The following APOOL variants were observed in gnomAD, a reference collection of about 807,000 sequenced individuals.
APOOL encodes apolipoprotein O like, also known as MICOS complex subunit MIC27.
APOOL carries 12 observed loss-of-function variants against 23.1 expected under a neutral mutation model. The observed-to-expected ratio is 0.52, with a 90% CI of 0.33 to 0.84. APOOL has a LOEUF of 0.84. Among genes scored for constraint, APOOL ranks in the 40% least tolerant of loss-of-function variants. APOOL has a pLI of 0.02. For synonymous variants in APOOL, 77 were observed against 69.9 expected, an observed-to-expected ratio of 1.10 and a Z score of -0.51; for missense variants, 212 against 199.6, an observed-to-expected ratio of 1.06 and a Z score of -0.37.
intron 6 of APOOL, among the ~76,000 whole-genome samples, chrX:85,072,954 A>G (rs761951432): frequency 8.9e-5 from 10 of 111,881 alleles, no homozygotes; most frequent in Non-Finnish European, 9.4e-5. Context: ...TCATGCCAGT[A>G]CATATAGATC....
chrX:85,008,684 G>A (rs1220124593), intron 1 of APOOL, among the ~76,000 whole-genome samples: 2 of 110,327 alleles, frequency 1.8e-5, no homozygotes, highest in African/African-American at 6.6e-5. Flanking sequence ...ATATGGGAGT[G>A]CAGATATCTT....
chrX:85,014,160 T>TC (rs1283117972), intron 1 of APOOL, among the ~76,000 whole-genome samples: 1 of 111,708 alleles, frequency 9.0e-6, no homozygotes, highest in African/African-American at 3.2e-5. Flanking sequence ...ACTTTTGGTG[T>TC]CCATCTGCAT....
At chrX:85,009,138 T>C (rs1390922474) in intron 1 of APOOL, among the ~76,000 whole-genome samples, 1 of 111,947 alleles carries the variant, frequency 8.9e-6, no homozygotes, top group African/African-American at 3.2e-5. Context: ...TTATTAGTTC[T>C]AACAGTTTTT....
intron 5 of APOOL, among the ~76,000 whole-genome samples, chrX:85,059,131 G>C (rs1261787074): frequency 9.6e-6 from 1 of 103,712 alleles, no homozygotes; most frequent in Non-Finnish European, 1.9e-5. Flanking sequence ...TGCGGTGTTT[G>C]GTTTTTTGTC....
At chrX:85,079,026 T>A (rs1050035128) in intron 8 of APOOL, among the ~76,000 whole-genome samples, 1 of 111,704 alleles carries the variant, frequency 9.0e-6, no homozygotes, top group Non-Finnish European at 1.9e-5. Context: ...TACAATCATG[T>A]CATCTGCAAA....
intron 5 of APOOL, among the ~76,000 whole-genome samples, chrX:85,058,704 G>C (rs1281085753): frequency 9.0e-6 from 1 of 111,116 alleles, no homozygotes. Flanking sequence ...GTGTAAAAGT[G>C]TTCGTTTCTC....
intron 1 of APOOL, among the ~76,000 whole-genome samples, chrX:85,025,908 C>T (rs1316530058): frequency 8.9e-6 from 1 of 112,782 alleles, no homozygotes; most frequent in African/African-American, 3.2e-5. Context: ...TATCCCCTTT[C>T]TCACAGCTCC....
intron 8 of APOOL, among the ~76,000 whole-genome samples, chrX:85,075,480 C>T (rs1923805571): frequency 9.0e-6 from 1 of 111,167 alleles, no homozygotes; most frequent in South Asian, 3.8e-4. Flanking sequence ...CCTCCTCTCA[C>T]TTAATCTTCA....
chrX:85,084,386 C>T (rs993833994), intron 8 of APOOL, among the ~76,000 whole-genome samples: 2 of 109,950 alleles, frequency 1.8e-5, no homozygotes, highest in African/African-American at 6.6e-5. Context: ...CCTCCCACCT[C>T]GGCCTCCCAA....
At chrX:85,025,692 T>C (rs1921818287) in intron 1 of APOOL, among the ~76,000 whole-genome samples, 2 of 112,606 alleles carry the variant, frequency 1.8e-5, no homozygotes, top group Non-Finnish European at 3.8e-5. Context: ...AGCTCCAAAA[T>C]AATCTCTTTT....
chrX:85,077,634 G>T (rs1430512000), intron 8 of APOOL, among the ~76,000 whole-genome samples: 3 of 111,452 alleles, frequency 2.7e-5, no homozygotes, highest in African/African-American at 9.8e-5. Context: ...GTAATGGGAT[G>T]GCTGGGTCAA....
rs142967502 is a variant in APOOL, at chrX:85,032,331, A to G, written c.16-14115A>G. On this transcript the variant is annotated intron_variant, in intron 1 of 8. Transcript: ENST00000373173. ...GGAGTTCAAGACTAGCCTGACCAAC[A>G]TGGAGAAACCCGGTCTCTACTAAAA... Among the ~76,000 whole-genome samples, 838 of 111,086 alleles carry G rather than the reference A, an allele frequency of 7.5e-3. 17 individuals are homozygous for G. Among genetic ancestry groups the G allele is most frequent in the Admixed American group, 0.065 (677 of 10,431 alleles).
At chrX:85,019,798 G>T (rs1374680222) in intron 1 of APOOL, among the ~76,000 whole-genome samples, 2 of 112,160 alleles carry the variant, frequency 1.8e-5, no homozygotes, top group Non-Finnish European at 3.8e-5. Context: ...CACAGATCCA[G>T]CAGTGACAGG....
intron 1 of APOOL, among the ~76,000 whole-genome samples, chrX:85,027,684 G>A (rs1213537005): frequency 8.9e-6 from 1 of 111,992 alleles, no homozygotes; most frequent in Non-Finnish European, 1.9e-5. Flanking sequence ...CAATTTACAT[G>A]TAATTCAGTT....
At chrX:85,018,732 T>G (rs1253658786) in intron 1 of APOOL, among the ~76,000 whole-genome samples, 1 of 111,783 alleles carries the variant, frequency 8.9e-6, no homozygotes, top group Non-Finnish European at 1.9e-5. Context: ...TTTTGTTTGC[T>G]TCTTTTTGAT....
At chrX:85,031,952 C>T (rs766196544) in intron 1 of APOOL, among the ~76,000 whole-genome samples, 1 of 111,523 alleles carries the variant, frequency 9.0e-6, no homozygotes, top group East Asian at 2.8e-4. Context: ...AAATAGAATG[C>T]TCTCAATATT....
chrX:85,014,553 G>A (rs189623928), intron 1 of APOOL, among the ~76,000 whole-genome samples: 145 of 58,934 alleles, frequency 2.5e-3, no homozygotes, highest in African/African-American at 6.8e-3. Context: ...GTCTGAAAAC[G>A]ACTTTATCTC....
At position 85,092,385 on chromosome X, in the gene APOOL, CCT is replaced by C. The variant is rs1183663222; in HGVS notation, c.*4710_*4711del. On this transcript the variant is annotated 3_prime_UTR_variant, in exon 9 of 9. Transcript: ENST00000373173. Reference sequence around the variant, plus strand: ...TGTGTTGGGATGAGTTGTTACAAAGCCTCTTTCATTCTTCCCATGCCATGTCC... The same window carrying C: ...TGTGTTGGGATGAGTTGTTACAAAGCCTTTCATTCTTCCCATGCCATGTCC... The C allele has an allele frequency of 8.6e-7, 1 of 1,160,593 alleles. No homozygotes were observed. The highest frequency in any genetic ancestry group is 3.3e-5 in the East Asian group (1 of 30,751).
intron 8 of APOOL, among the ~76,000 whole-genome samples, chrX:85,075,633 A>G (rs1250392074): frequency 1.8e-5 from 2 of 111,779 alleles, no homozygotes; most frequent in African/African-American, 3.2e-5. Flanking sequence ...AATATAATGT[A>G]TGGTCATTTT....
Sources: gnomAD v4.1 joint callset for allele counts (sites outside exome capture counted in the v4.1 genomes callset) on GRCh38, gnomAD v4.1.1 for gene constraint, MANE v1.5 for transcripts, NCBI Gene and HGNC (gene_info 2026-07-23, HGNC 2026-07-21) for gene names.